The following ACKR2 variants were observed in gnomAD, a reference collection of about 807,000 sequenced individuals.
ACKR2 encodes the protein atypical chemokine receptor 2, also known as C-C chemokine receptor D6.
For synonymous variants in ACKR2, 207 were observed against 192.2 expected (o/e 1.08, Z -0.64); for missense variants, 457 against 477.3 (o/e 0.96, Z 0.40).
intron 2 of ACKR2, among the ~76,000 whole-genome samples, chr3:42,843,458 T>C (rs1276006710): frequency 1.3e-5 from 2 of 152,204 alleles, no homozygotes; most frequent in Non-Finnish European, 2.9e-5. Context: ...TGTGAAACTT[T>C]TTTTTTCAGG....
chr3:42,831,170 A>G (rs1700928663), intron 2 of ACKR2, among the ~76,000 whole-genome samples: 1 of 152,202 alleles, frequency 6.6e-6, no homozygotes, highest in Non-Finnish European at 1.5e-5. Flanking sequence ...TGAAAAACAA[A>G]AAATAAAAGG....
chr3:42,812,328 T>G (rs956880701), intron 1 of ACKR2, among the ~76,000 whole-genome samples: 1 of 152,246 alleles, frequency 6.6e-6, no homozygotes, highest in Non-Finnish European at 1.5e-5. Flanking sequence ...AGTCATACTT[T>G]CTAATATTGC....
At chr3:42,840,234 T>C (rs187478390) in intron 2 of ACKR2, among the ~76,000 whole-genome samples, 1 of 119,114 alleles carries the variant, frequency 8.4e-6, no homozygotes, top group African/African-American at 3.2e-5. Context: ...CACACCAGCT[T>C]GGGCGACAGA....
intron 2 of ACKR2, among the ~76,000 whole-genome samples, chr3:42,826,043 G>C (rs1446012860): frequency 2.0e-5 from 3 of 151,732 alleles, no homozygotes; most frequent in Non-Finnish European, 4.4e-5. Flanking sequence ...TACATTGTTT[G>C]AGTTTCGGAT....
intron 2 of ACKR2, among the ~76,000 whole-genome samples, chr3:42,849,087 T>C (rs574644663): frequency 1.3e-5 from 2 of 152,338 alleles, no homozygotes; most frequent in South Asian, 4.1e-4. Context: ...AGAAAGGACA[T>C]TAGTGGGACA....
chr3:42,836,446 G>A (rs536932812), intron 2 of ACKR2, among the ~76,000 whole-genome samples: 2 of 152,270 alleles, frequency 1.3e-5, no homozygotes, highest in East Asian at 1.9e-4. Context: ...CTTAGGTTCT[G>A]TGTTCCTTTG....
At position 42,845,756 on chromosome 3, in the gene ACKR2, C is replaced by T. The variant is rs182730353; in HGVS notation, c.-37-18710C>T. ...CCCAGCTACTTGGGAGGCTGAGGCA[C>T]GAGAATCACTTGAACCTGGAAGGCG... On this transcript the variant is annotated intron_variant, in intron 2 of 2. Coordinates refer to ENST00000422265, the MANE Select transcript of ACKR2 (RefSeq NM_001296.5). Among the ~76,000 whole-genome samples, 721 of 148,538 alleles carry T rather than the reference C, an allele frequency of 4.9e-3. 6 individuals are homozygous for T. The highest frequency in any genetic ancestry group is 0.017 in the African/African-American group (668 of 40,162).
chr3:42,850,025 A>G (rs76029881), intron 2 of ACKR2, among the ~76,000 whole-genome samples: 5,575 of 152,256 alleles, frequency 0.037, 179 homozygotes, highest in African/African-American at 0.083. Context: ...AATTATTTTA[A>G]AATAAGGATG....
In ACKR2 at chr3:42,864,728, C is replaced by A. The variant is rs761832030; in HGVS notation, c.226C>A (p.Pro76Thr). 4.3e-6 allele frequency: 7 copies of A among 1,614,210 alleles called. No homozygotes were observed. Among genetic ancestry groups the A allele is most frequent in the Admixed American group, 1.7e-5 (1 of 60,024 alleles). Residue 76 changes from proline (P) to threonine (T), a missense_variant, in exon 3 of 3, where the codon CCT becomes ACT. Pro to Thr is a conservative substitution (Grantham distance 38). Transcript: ENST00000422265. ...TCTCATGGTCTTGCTCCGTTACGTG[C>A]CTCGCAGGCGGATGGTTGAGATCTA... ...LLLMVLLRYV[P>T]RRRMVEIYLL...
intron 2 of ACKR2, among the ~76,000 whole-genome samples, chr3:42,862,427 C>T (rs1309038021): frequency 6.6e-6 from 1 of 152,092 alleles, no homozygotes; most frequent in Non-Finnish European, 1.5e-5. Context: ...TGAAAATGGC[C>T]ATACTGCCCA....
chr3:42,809,657 T>C (rs1575369870), intron 1 of ACKR2, 125 bp downstream of exon 1: 1 of 151,326 alleles, frequency 6.6e-6, no homozygotes, highest in Non-Finnish European at 1.5e-5. Flanking sequence ...AGCTCAGGAG[T>C]TTGAGACCAG....
chr3:42,828,839 C>T (rs2125607729), intron 2 of ACKR2, among the ~76,000 whole-genome samples: 1 of 152,228 alleles, frequency 6.6e-6, no homozygotes, highest in East Asian at 1.9e-4. Context: ...AAGTACAATA[C>T]CTGCAATTAT....
intron 2 of ACKR2, chr3:42,841,771 G>A (rs145392249): frequency 9.2e-5 from 14 of 152,442 alleles, no homozygotes; most frequent in African/African-American, 2.9e-4. Flanking sequence ...CAGGCAAGAA[G>A]TGAGTGCTTT....
chr3:42,823,139 T>A (rs1700825971), intron 2 of ACKR2, among the ~76,000 whole-genome samples: 1 of 152,258 alleles, frequency 6.6e-6, no homozygotes, highest in Admixed American at 6.5e-5. Context: ...TTTGCTGAAG[T>A]GGCGGGACAG....
Position 42,864,459 on chromosome 3 carries a change from C to T in ACKR2, c.-37-7C>T, listed in dbSNP as rs200984403. On this transcript the variant is annotated splice_polypyrimidine_tract_variant and splice_region_variant and intron_variant, in intron 2 of 2. Transcript: ENST00000422265. ...ATGCTAGGTCTCACCATATTTTCCC[C>T]CCGCAGCACTACAGGACGTCGGGAC... 527 of 1,539,232 alleles carry T rather than the reference C, an allele frequency of 3.4e-4. No homozygotes were observed. Among genetic ancestry groups the T allele is most frequent in the Non-Finnish European group, 4.3e-4 (492 of 1,146,224 alleles).
intron 2 of ACKR2, among the ~76,000 whole-genome samples, chr3:42,863,204 G>C (rs2088401807): frequency 6.6e-6 from 1 of 152,120 alleles, no homozygotes; most frequent in African/African-American, 2.4e-5. Context: ...GATATGAACA[G>C]ATACTTCTCA....
At chr3:42,838,609 A>G (rs1479977574) in intron 2 of ACKR2, among the ~76,000 whole-genome samples, 1 of 152,240 alleles carries the variant, frequency 6.6e-6, no homozygotes. Flanking sequence ...AAATGCAAAA[A>G]TGGTATGGTC....
At position 42,851,568 on chromosome 3, in the gene ACKR2, G is replaced by A. The variant is rs527704960; in HGVS notation, c.-37-12898G>A. The A allele has an allele frequency of 2.0e-5, 7 of 343,428 alleles. No individual in the cohort carries two copies. In the East Asian group the frequency reaches 1.2e-3, roughly 57 times the overall value. The allele number at this position is 343,428 out of a possible 1,614,324, so 21.3% of individuals were successfully genotyped here. On this transcript the variant is annotated intron_variant, in intron 2 of 2. Coordinates refer to ENST00000422265, the MANE Select transcript of ACKR2 (RefSeq NM_001296.5). ...GGGCACAGGTGCTGGGAAGAGGGAG[G>A]TGCTAAGTCAGTGCAGAGCTTTCTC... is the stretch of plus-strand genomic sequence containing the variant.
At chr3:42,862,688 G>C (rs1297805627) in intron 2 of ACKR2, among the ~76,000 whole-genome samples, 2 of 152,026 alleles carry the variant, frequency 1.3e-5, no homozygotes, top group Non-Finnish European at 2.9e-5. Context: ...CAGAACAGAG[G>C]CCTCAGAAAT....
Sources: allele counts gnomAD v4.1 joint callset (sites outside exome capture counted in the v4.1 genomes callset), GRCh38; gene constraint gnomAD v4.1.1; transcripts MANE v1.5; gene names NCBI Gene and HGNC (gene_info 2026-07-23, HGNC 2026-07-21).